Variants in SIPA1L3 observed in about 807,000 individuals in gnomAD.
The protein encoded by SIPA1L3 is signal-induced proliferation-associated 1-like protein 3.
In SIPA1L3, 59 loss-of-function variants were observed where a neutral mutation model predicts 150.1. The observed-to-expected ratio is 0.39, with a 90% CI of 0.32 to 0.49. The LOEUF is 0.49. SIPA1L3 is among the 20% of genes least tolerant of loss of function. SIPA1L3 has a pLI of 0.86. For missense variants in SIPA1L3, 2,211 were observed against 2,489.5 expected (o/e 0.89, Z 2.38); for synonymous variants, 1,070 against 1,077.6 (o/e 0.99, Z 0.14).
intron 1 of SIPA1L3, among the ~76,000 whole-genome samples, chr19:37,969,838 G>A (rs940786921): frequency 6.6e-6 from 1 of 152,134 alleles, no homozygotes; most frequent in Non-Finnish European, 1.5e-5. Flanking sequence ...TGTCCTGAAT[G>A]TAAACTAGGC....
At chr19:38,031,146 T>C (rs1968645993) in intron 2 of SIPA1L3, among the ~76,000 whole-genome samples, 1 of 152,158 alleles carries the variant, frequency 6.6e-6, no homozygotes, top group Non-Finnish European at 1.5e-5. Context: ...TTTGAAGTGA[T>C]TTTAGAGTTA....
Position 38,177,229 on chromosome 19 carries a change from T to C in SIPA1L3, c.4209-5290T>C, listed in dbSNP as rs945307272. On this transcript the variant is annotated intron_variant, in intron 15 of 21. Transcript: ENST00000222345. The stretch of plus-strand genomic sequence containing the variant: ...AGAAAAAACTAGCCAGGTGTGGTGG[T>C]GGGCGCCTGTAGTCCCAGCTACTCA... 1.9e-4 allele frequency among the ~76,000 whole-genome samples: 29 copies of C among 149,892 alleles called. No homozygotes were observed. In the East Asian group the frequency reaches 2.4e-3, roughly 13 times the overall value.
At chr19:37,997,206 A>G (rs913412532) in intron 1 of SIPA1L3, among the ~76,000 whole-genome samples, 3 of 152,238 alleles carry the variant, frequency 2.0e-5, no homozygotes, top group African/African-American at 7.2e-5. Flanking sequence ...GACTAATACA[A>G]TCTTCCCTGC....
chr19:38,064,442 A>G (rs762787883), intron 2 of SIPA1L3, among the ~76,000 whole-genome samples: 1 of 152,258 alleles, frequency 6.6e-6, no homozygotes. Flanking sequence ...CACGCCTGTA[A>G]TCCCAACACT....
chr19:37,994,896 C>G (rs1426962872), intron 1 of SIPA1L3, among the ~76,000 whole-genome samples: 1 of 152,196 alleles, frequency 6.6e-6, no homozygotes, highest in Non-Finnish European at 1.5e-5. Context: ...AGCTCCATGG[C>G]TGGTGCAGAG....
chr19:38,017,902 A>G (rs1968274886), intron 1 of SIPA1L3, among the ~76,000 whole-genome samples: 1 of 152,082 alleles, frequency 6.6e-6, no homozygotes, highest in African/African-American at 2.4e-5. Flanking sequence ...TGTAAATCAG[A>G]ACATATCATT....
intron 2 of SIPA1L3, among the ~76,000 whole-genome samples, chr19:38,036,282 C>A (rs1968783838): frequency 6.6e-6 from 1 of 152,250 alleles, no homozygotes; most frequent in South Asian, 2.1e-4. Context: ...GGTTGTCAGC[C>A]CGAATTAGCC....
chr19:38,108,585 G>T (rs1301244891), intron 7 of SIPA1L3: 1 of 152,226 alleles, frequency 6.6e-6, no homozygotes, highest in Non-Finnish European at 1.5e-5. Flanking sequence ...CGTGTCTGGA[G>T]TTCACACTGT....
intron 3 of SIPA1L3, among the ~76,000 whole-genome samples, chr19:38,085,865 G>T: frequency 6.6e-6 from 1 of 152,180 alleles, no homozygotes; most frequent in African/African-American, 2.4e-5. Context: ...GCGTGGTGGC[G>T]GGTGCCTGTA....
intron 10 of SIPA1L3, among the ~76,000 whole-genome samples, chr19:38,131,047 C>T (rs1184551392): frequency 2.6e-5 from 4 of 152,256 alleles, no homozygotes; most frequent in African/African-American, 9.6e-5. Flanking sequence ...CCATTTCCTA[C>T]ATGAAGCACA....
At chr19:38,073,849 G>A (rs556291278) in intron 2 of SIPA1L3, among the ~76,000 whole-genome samples, 1 of 152,184 alleles carries the variant, frequency 6.6e-6, no homozygotes, top group Non-Finnish European at 1.5e-5. Flanking sequence ...ACCCTGGGCC[G>A]ACCAAGCCCA....
intron 15 of SIPA1L3, among the ~76,000 whole-genome samples, chr19:38,178,053 C>T (rs566650646): frequency 1.9e-4 from 29 of 150,890 alleles, no homozygotes; most frequent in African/African-American, 5.6e-4. Flanking sequence ...AGACCGTCCT[C>T]ATACCTGCCT....
At chr19:37,981,214 C>G (rs1168970097) in intron 1 of SIPA1L3, among the ~76,000 whole-genome samples, 1 of 152,058 alleles carries the variant, frequency 6.6e-6, no homozygotes, top group African/African-American at 2.4e-5. Flanking sequence ...GGAAGGATTG[C>G]TTGAGACCAG....
chr19:38,020,270 G>A (rs1034048121), intron 1 of SIPA1L3, among the ~76,000 whole-genome samples: 1 of 152,122 alleles, frequency 6.6e-6, no homozygotes. Flanking sequence ...GAGAGGGTAA[G>A]TCACCGTAGA....
Position 38,130,003 on chromosome 19 carries a change from G to T in SIPA1L3, c.2869-495G>T, listed in dbSNP as rs537265543. Among the ~76,000 whole-genome samples the T allele has an allele frequency of 3.3e-5, 5 of 152,246 alleles. No individual in the cohort carries two copies. In the East Asian group the frequency reaches 9.7e-4, roughly 29 times the overall value. On this transcript the variant is annotated intron_variant, in intron 9 of 21. Transcript: ENST00000222345. Reference sequence around the variant, plus strand: ...AATCGCTTGAACCCAGGAAGCAGACGTTGCAGTGAGCTGAGATCATGCCGC... The same window carrying T: ...AATCGCTTGAACCCAGGAAGCAGACTTTGCAGTGAGCTGAGATCATGCCGC...
At chr19:38,126,623 G>T (rs1268338321) in intron 9 of SIPA1L3, among the ~76,000 whole-genome samples, 1 of 151,288 alleles carries the variant, frequency 6.6e-6, no homozygotes, top group Non-Finnish European at 1.5e-5. Flanking sequence ...TGCAACCTCC[G>T]CCTCCCCGGT....
At chr19:38,030,742 CTCTT>C (rs781122610) in intron 2 of SIPA1L3, among the ~76,000 whole-genome samples, 4 of 151,784 alleles carry the variant, frequency 2.6e-5, no homozygotes, top group Non-Finnish European at 4.4e-5. Context: ...TGAACATTCT[CTCTT>C]GTTTCTGTGG....
chr19:38,086,231 G>A lies in SIPA1L3; in HGVS notation c.1535-2490G>A, dbSNP rs79699843. 3.3e-5 allele frequency among the ~76,000 whole-genome samples: 5 copies of A among 151,990 alleles called. No homozygotes were observed. In the East Asian group the frequency reaches 7.7e-4, roughly 23 times the overall value. ...CTTTTCAACCTACACGTACAAATAC[G>A]TACATGAAAGGAATGTGGATCAAAT... On this transcript the variant is annotated intron_variant, in intron 3 of 21. Transcript: ENST00000222345.
At chr19:38,099,934 C>A in intron 4 of SIPA1L3, 28 bp from the exon 5 acceptor site, 1 of 1,564,026 alleles carries the variant, frequency 6.4e-7, no homozygotes, top group Non-Finnish European at 8.6e-7. Context: ...CGAGAGCCCC[C>A]TAACCTTCCC....
Sources: allele counts gnomAD v4.1 joint callset (sites outside exome capture counted in the v4.1 genomes callset), GRCh38; gene constraint gnomAD v4.1.1; transcripts MANE v1.5; gene names NCBI Gene and HGNC (gene_info 2026-07-23, HGNC 2026-07-21).